Variants in CAMTA1 observed in about 807,000 individuals in gnomAD.
CAMTA1 encodes the protein calmodulin binding transcription activator 1.
CAMTA1 carries 27 observed loss-of-function variants against 170.9 expected under a neutral mutation model. The ratio of observed to expected loss-of-function variants is 0.16; its 90% CI spans 0.12 to 0.22. CAMTA1 has a LOEUF of 0.22. Ranked by LOEUF, CAMTA1 falls within the 10% of genes least tolerant of loss-of-function variation. CAMTA1 has a pLI of 1.00. For synonymous variants in CAMTA1, 833 were observed against 891.5 expected, an observed-to-expected ratio of 0.93 and a Z score of 1.17; for missense variants, 1,619 against 2,217.2, an observed-to-expected ratio of 0.73 and a Z score of 5.42.
At chr1:7,139,064 ATTTG>A (rs552284614) in intron 4 of CAMTA1, among the ~76,000 whole-genome samples, 7,464 of 143,308 alleles carry the variant, frequency 0.052, 467 homozygotes, top group African/African-American at 0.15. Context: ...TATATTTATT[ATTTG>A]TTTATTTATA....
At chr1:6,913,990 G>T (rs1289332788) in intron 3 of CAMTA1, among the ~76,000 whole-genome samples, 1 of 151,878 alleles carries the variant, frequency 6.6e-6, no homozygotes, top group African/African-American at 2.4e-5. Flanking sequence ...ATATCATCTC[G>T]TACTGCTTTT....
In CAMTA1 at chr1:7,091,379, C is replaced by A; in HGVS notation, c.302+8C>A. The A allele has an allele frequency of 6.2e-7, 1 of 1,605,092 alleles. No individual in the cohort carries two copies. Among genetic ancestry groups the A allele is most frequent in the Non-Finnish European group, 8.5e-7 (1 of 1,171,812 alleles). ...CACCTCCCCTAAGACAAGGTAATGTCCCAGATCTTGCAGTTTTTCAAATGT... is the reference window on the plus strand; with the variant it reads ...CACCTCCCCTAAGACAAGGTAATGTACCAGATCTTGCAGTTTTTCAAATGT... On this transcript the variant is annotated splice_region_variant and intron_variant, in intron 4 of 22. Transcript: ENST00000303635.
intron 4 of CAMTA1, among the ~76,000 whole-genome samples, chr1:7,143,996 G>T (rs535967444): frequency 6.6e-6 from 1 of 152,136 alleles, no homozygotes; most frequent in African/African-American, 2.4e-5. Flanking sequence ...CTTCTCTGTT[G>T]TTTGAGATAC....
At chr1:7,610,577 G>T (rs57480342) in intron 6 of CAMTA1, among the ~76,000 whole-genome samples, 1,709 of 152,300 alleles carry the variant, frequency 0.011, 22 homozygotes, top group African/African-American at 0.038. Context: ...GTGACTGGGG[G>T]CAGACTCCGT....
At chr1:7,114,499 T>G (rs1309623485) in intron 4 of CAMTA1, among the ~76,000 whole-genome samples, 4 of 151,768 alleles carry the variant, frequency 2.6e-5, no homozygotes, top group African/African-American at 9.7e-5. Flanking sequence ...TTTAAGAAAG[T>G]TTATGAATTT....
At chr1:6,911,147 G>A (rs925390365) in intron 3 of CAMTA1, among the ~76,000 whole-genome samples, 9 of 151,920 alleles carry the variant, frequency 5.9e-5, no homozygotes, top group African/African-American at 2.2e-4. Flanking sequence ...AGGGAAAGAG[G>A]GGAGGGTGTC....
At chr1:7,406,526 C>T (rs1436223793) in intron 5 of CAMTA1, among the ~76,000 whole-genome samples, 1 of 152,144 alleles carries the variant, frequency 6.6e-6, no homozygotes, top group Non-Finnish European at 1.5e-5. Flanking sequence ...CCTTTTCTCA[C>T]CATCTTCAAT....
Position 7,565,034 on chromosome 1 carries a change from G to A in CAMTA1, c.511-75366G>A, listed in dbSNP as rs2095021861. Reference sequence around the variant, plus strand: ...CGAGATCAAGGTGGATGGGGGGTGGGAGCAGAAGGGCAAGGCCCCTCAGGG... The same window carrying A: ...CGAGATCAAGGTGGATGGGGGGTGGAAGCAGAAGGGCAAGGCCCCTCAGGG... On this transcript the variant is annotated intron_variant, in intron 6 of 22. Transcript: ENST00000303635. This position sits in a 1 kb window ranked among gnomAD's most constrained non-coding sequence, Gnocchi z 4.5. Among the ~76,000 whole-genome samples, 1 of 151,922 alleles carries A rather than the reference G, an allele frequency of 6.6e-6. No individual in the cohort carries two copies. The highest frequency in any genetic ancestry group is 1.5e-5 in the Non-Finnish European group (1 of 67,962).
chr1:7,105,557 T>C (rs573357469), intron 4 of CAMTA1, among the ~76,000 whole-genome samples: 1 of 152,308 alleles, frequency 6.6e-6, no homozygotes, highest in Admixed American at 6.5e-5. Flanking sequence ...TTTGTTGTCT[T>C]CTCAGGAATT....
At chr1:7,013,013 C>T (rs1700031119) in intron 3 of CAMTA1, among the ~76,000 whole-genome samples, 1 of 150,954 alleles carries the variant, frequency 6.6e-6, no homozygotes, top group Non-Finnish European at 1.5e-5. Context: ...GTGTCTTGGG[C>T]CAAAAGCCTT....
chr1:7,343,320 C>A (rs74052948), intron 5 of CAMTA1, among the ~76,000 whole-genome samples: 1,952 of 152,242 alleles, frequency 0.013, 19 homozygotes, highest in Middle Eastern at 0.024. Flanking sequence ...GCTCATGGCA[C>A]ACGGGTGATT....
At chr1:7,176,591 GT>G (rs1650880285) in intron 4 of CAMTA1, among the ~76,000 whole-genome samples, 1 of 152,158 alleles carries the variant, frequency 6.6e-6, no homozygotes, top group African/African-American at 2.4e-5. Context: ...TCTACAGCTC[GT>G]TCGCACTTTT....
intron 4 of CAMTA1, among the ~76,000 whole-genome samples, chr1:7,212,820 T>C (rs1659022146): frequency 6.6e-6 from 1 of 152,350 alleles, no homozygotes; most frequent in East Asian, 1.9e-4. Flanking sequence ...ATGTCTATAA[T>C]TTTTATCATA....
chr1:7,461,969 C>T (rs1189338392), intron 5 of CAMTA1, among the ~76,000 whole-genome samples: 1 of 152,240 alleles, frequency 6.6e-6, no homozygotes, highest in Non-Finnish European at 1.5e-5. Flanking sequence ...TAAGGGCGCA[C>T]AGGAAATCAC....
At chr1:7,026,184 A>T (rs1701994117) in intron 3 of CAMTA1, among the ~76,000 whole-genome samples, 1 of 151,644 alleles carries the variant, frequency 6.6e-6, no homozygotes. Flanking sequence ...TGAAGGTGGA[A>T]GTGAGATGTT....
chr1:6,892,035 C>A (rs7513917), intron 3 of CAMTA1, among the ~76,000 whole-genome samples: 28,723 of 152,156 alleles, frequency 0.19, 2,777 homozygotes, highest in East Asian at 0.28. Flanking sequence ...ACCAGCCCAC[C>A]CACTTCTGCC....
At chr1:7,614,825 C>A (rs1295368984) in intron 6 of CAMTA1, among the ~76,000 whole-genome samples, 2 of 152,204 alleles carry the variant, frequency 1.3e-5, no homozygotes, top group African/African-American at 4.8e-5. Context: ...CCTCACTCAC[C>A]TTGACCCCTG....
intron 3 of CAMTA1, among the ~76,000 whole-genome samples, chr1:6,848,890 A>G (rs2148782209): frequency 6.6e-6 from 1 of 152,358 alleles, no homozygotes; most frequent in East Asian, 1.9e-4. Flanking sequence ...CCGGGAAAAC[A>G]AAGAACTATT....
At chr1:7,740,088 GT>G in intron 16 of CAMTA1, among the ~76,000 whole-genome samples, 1 of 152,054 alleles carries the variant, frequency 6.6e-6, no homozygotes, top group East Asian at 1.9e-4. Context: ...GGGAGCTACA[GT>G]TCAACATGAG....
Sources: allele counts gnomAD v4.1 joint callset (sites outside exome capture counted in the v4.1 genomes callset), GRCh38; gene constraint gnomAD v4.1.1; non-coding constraint Gnocchi (gnomAD v3.1); transcripts MANE v1.5; gene names NCBI Gene and HGNC (gene_info 2026-07-23, HGNC 2026-07-21).